Variants in GALNT13 observed in about 807,000 individuals in gnomAD.
GALNT13 encodes the protein polypeptide N-acetylgalactosaminyltransferase 13, also known as UDP-GalNAc:polypeptide N-acetylgalactosaminyltransferase 13.
In GALNT13, 28 loss-of-function variants were observed where a neutral mutation model predicts 64.2. That is an observed-to-expected ratio of 0.44 (90% confidence interval 0.32 to 0.60). The LOEUF (loss-of-function observed/expected upper bound fraction) is 0.60. Among genes scored for constraint, GALNT13 ranks in the 20% least tolerant of loss-of-function variants. The pLI is 0.05. For missense variants in GALNT13, 577 were observed against 669.8 expected (o/e 0.86, Z 1.53); for synonymous variants, 214 against 224.6 (o/e 0.95, Z 0.42).
chr2:154,089,657 T>C (rs1046189123), intron 3 of GALNT13, among the ~76,000 whole-genome samples: 4 of 151,926 alleles, frequency 2.6e-5, no homozygotes, highest in African/African-American at 9.7e-5. Context: ...CCATCTGGAG[T>C]GGCGCTTCTC....
chr2:153,117,092 C>T, the GALNT13 span, among the ~76,000 whole-genome samples: 1 of 152,110 alleles, frequency 6.6e-6, no homozygotes, highest in African/African-American at 2.4e-5. Flanking sequence ...AGCCACCATG[C>T]CTGGCTGGGT....
chr2:154,258,094 C>T (rs557924702), intron 7 of GALNT13, among the ~76,000 whole-genome samples: 3 of 152,110 alleles, frequency 2.0e-5, no homozygotes, highest in Non-Finnish European at 2.9e-5. Context: ...TTACAACTAA[C>T]ATTCAAAAGT....
chr2:153,883,540 C>A (rs1309894457), intron 1 of GALNT13, among the ~76,000 whole-genome samples: 1 of 151,926 alleles, frequency 6.6e-6, no homozygotes, highest in Non-Finnish European at 1.5e-5. Context: ...CCAGGTTGAA[C>A]CTCAGCAAAC....
intron 11 of GALNT13, among the ~76,000 whole-genome samples, chr2:154,411,541 G>A (rs568480208): frequency 6.6e-6 from 1 of 151,616 alleles, no homozygotes; most frequent in East Asian, 1.9e-4. Flanking sequence ...AAACAATCCA[G>A]ACAACTTATT....
At chr2:153,518,129 C>G in the GALNT13 span, among the ~76,000 whole-genome samples, 1 of 152,298 alleles carries the variant, frequency 6.6e-6, no homozygotes, top group African/African-American at 2.4e-5. Flanking sequence ...CTGTCCAATA[C>G]ACACACCCTG....
At chr2:153,267,882 C>T in the GALNT13 span, among the ~76,000 whole-genome samples, 1 of 152,160 alleles carries the variant, frequency 6.6e-6, no homozygotes. Flanking sequence ...AGAGTTCCAA[C>T]TTCAGATAAC....
chr2:153,663,039 A>G, the GALNT13 span, among the ~76,000 whole-genome samples: 1 of 152,160 alleles, frequency 6.6e-6, no homozygotes, highest in Non-Finnish European at 1.5e-5. Context: ...GACTTGTGAG[A>G]GGAAGGAAGA....
At chr2:154,272,562 G>C (rs974304847) in intron 8 of GALNT13, among the ~76,000 whole-genome samples, 1 of 151,892 alleles carries the variant, frequency 6.6e-6, no homozygotes, top group African/African-American at 2.4e-5. Context: ...TAAATTCAGC[G>C]GTTTGAATTT....
At chr2:154,189,963 A>C (rs1291091763) in intron 4 of GALNT13, among the ~76,000 whole-genome samples, 1 of 152,194 alleles carries the variant, frequency 6.6e-6, no homozygotes, top group Non-Finnish European at 1.5e-5. Context: ...TGGTTGTTAA[A>C]ACCATATAAA....
At chr2:154,110,588 T>C (rs1054521711) in intron 3 of GALNT13, among the ~76,000 whole-genome samples, 2 of 151,622 alleles carry the variant, frequency 1.3e-5, no homozygotes, top group African/African-American at 4.8e-5. Context: ...ACTAAGCCAG[T>C]CTAGTCTTTT....
chr2:153,286,882 T>G, the GALNT13 span, among the ~76,000 whole-genome samples: 3 of 152,186 alleles, frequency 2.0e-5, no homozygotes, highest in East Asian at 3.9e-4. Context: ...AAATAAAGAC[T>G]GATAAAATTT....
Position 154,409,071 on chromosome 2 carries a change from G to C in GALNT13, c.1384G>C (p.Gly462Arg). Reference sequence around the variant, plus strand: ...GGGTATATTCAACTGTCATGGTATGGGAGGAAATCAGGTAAACTCTCCCTT... The same window carrying C: ...GGGTATATTCAACTGTCATGGTATGCGAGGAAATCAGGTAAACTCTCCCTT... Reference protein sequence around the residue: ...KVGIFNCHGMGGNQVFSYTAD... With the variant: ...KVGIFNCHGMRGNQVFSYTAD... The change falls in exon 11 of 13, where the codon GGA (glycine) becomes CGA (arginine). Residue 462 changes from glycine to arginine, a missense_variant. Coordinates refer to ENST00000392825, the MANE Select transcript of GALNT13 (RefSeq NM_052917.4). The C allele has an allele frequency of 6.2e-7, 1 of 1,603,594 alleles. No individual in the cohort carries two copies. Among genetic ancestry groups the C allele is most frequent in the South Asian group, 1.1e-5 (1 of 90,852 alleles).
chr2:153,109,120 T>G, the GALNT13 span, among the ~76,000 whole-genome samples: 1 of 152,176 alleles, frequency 6.6e-6, no homozygotes, highest in African/African-American at 2.4e-5. Context: ...ACATCTCTTG[T>G]TCTGTTTTAG....
At chr2:154,378,303 A>G (rs915726769) in intron 9 of GALNT13, among the ~76,000 whole-genome samples, 19 of 152,166 alleles carry the variant, frequency 1.2e-4, no homozygotes, top group African/African-American at 4.3e-4. Context: ...TTGGTTGACT[A>G]TCTTAGGAAT....
chr2:154,207,630 T>C (rs1687536580), intron 4 of GALNT13, among the ~76,000 whole-genome samples: 1 of 152,164 alleles, frequency 6.6e-6, no homozygotes. Flanking sequence ...CACTCAGTAA[T>C]GTGTATATAG....
At chr2:154,110,356 G>C (rs1368284883) in intron 3 of GALNT13, among the ~76,000 whole-genome samples, 6 of 97,690 alleles carry the variant, frequency 6.1e-5, no homozygotes, top group African/African-American at 2.6e-4. Context: ...GAGAGAGAGA[G>C]AGAGAGAGAG....
At chr2:153,219,698 A>G in the GALNT13 span, among the ~76,000 whole-genome samples, 1 of 152,228 alleles carries the variant, frequency 6.6e-6, no homozygotes, top group Non-Finnish European at 1.5e-5. Context: ...TATGAGGACA[A>G]CTAGTTATCA....
At position 153,918,639 on chromosome 2, in the gene GALNT13, T is replaced by C. The variant is rs143143512; in HGVS notation, c.-105+17632T>C. On this transcript the variant is annotated intron_variant, in intron 2 of 12. Coordinates refer to ENST00000392825, the MANE Select transcript of GALNT13 (RefSeq NM_052917.4). ...CCTCTTCCTCTATAAACCAATTCTT[T>C]CATCAGTGCTCTGGATCCTACAGCT... 4.1e-3 allele frequency among the ~76,000 whole-genome samples: 618 copies of C among 152,258 alleles called. 3 individuals are homozygous for C. The highest frequency in any genetic ancestry group is 0.014 in the African/African-American group (591 of 41,572).
chr2:153,890,897 T>C (rs1486314545), intron 1 of GALNT13, among the ~76,000 whole-genome samples: 1 of 151,980 alleles, frequency 6.6e-6, no homozygotes, highest in African/African-American at 2.4e-5. Context: ...TGGCATTTAT[T>C]CTCTGACCCT....
Sources: allele counts gnomAD v4.1 joint callset (sites outside exome capture counted in the v4.1 genomes callset), GRCh38; gene constraint gnomAD v4.1.1; transcripts MANE v1.5; gene names NCBI Gene and HGNC (gene_info 2026-07-23, HGNC 2026-07-21).